Variants in SAMD3 observed in about 807,000 individuals in gnomAD.
SAMD3 encodes sterile alpha motif domain containing 3.
Under a neutral mutation model 58.5 loss-of-function variants are expected in SAMD3, and 63 were observed. The ratio of observed to expected loss-of-function variants is 1.08; its 90% CI spans 0.88 to 1.33. The LOEUF (loss-of-function observed/expected upper bound fraction) is 1.33. SAMD3 is among the 40% of genes most tolerant of loss of function. The pLI, the probability that SAMD3 is intolerant of heterozygous loss-of-function variation, is 0.00. For synonymous variants in SAMD3, 220 were observed against 210.3 expected (o/e 1.05, Z -0.40); for missense variants, 604 against 608.4 (o/e 0.99, Z 0.08).
intron 5 of SAMD3, among the ~76,000 whole-genome samples, chr6:130,204,604 GA>G (rs1365058861): frequency 4.1e-5 from 6 of 145,888 alleles, no homozygotes; most frequent in African/African-American, 7.7e-5. Flanking sequence ...CTCAAAAAAA[GA>G]AAAAAAAAAG....
chr6:130,146,083 T>A lies in SAMD3; in HGVS notation c.1122A>T (p.Ser374=), dbSNP rs150446656. The A allele has an allele frequency of 6.2e-7, 1 of 1,602,316 alleles. No homozygotes were observed. Among genetic ancestry groups the A allele is most frequent in the African/African-American group, 1.3e-5 (1 of 74,522 alleles). ...CAATATTGATTGGATTGTCCACCAC[T>A]GAAAAAGAAGTCAGTATATTTTCTG... ...SYSENILTSF[S]VVDNPINIVL... is the part of the protein sequence containing the mutation. The change falls in exon 10 of 12, where the codon TCA becomes TCT. Residue 374 remains serine (S), a synonymous_variant. Transcript: ENST00000439090.
At chr6:130,173,413 T>TTC (rs754667554) in intron 8 of SAMD3, among the ~76,000 whole-genome samples, 41 of 152,264 alleles carry the variant, frequency 2.7e-4, no homozygotes, top group Non-Finnish European at 5.6e-4. Context: ...TTTTGTTTGT[T>TTC]AGTTTTTCTT....
chr6:130,331,819 G>A (rs1370791652), intron 1 of SAMD3, among the ~76,000 whole-genome samples: 2 of 152,210 alleles, frequency 1.3e-5, no homozygotes, highest in African/African-American at 4.8e-5. Context: ...GTATGTTTAT[G>A]TGCTTCTGTG....
At chr6:130,253,348 G>A (rs139794240) in intron 2 of SAMD3, among the ~76,000 whole-genome samples, 1,588 of 152,270 alleles carry the variant, frequency 0.01, 15 homozygotes, top group Non-Finnish European at 0.014. Context: ...TCCTTGTTTA[G>A]TTGGAACCAG....
intron 2 of SAMD3, among the ~76,000 whole-genome samples, chr6:130,249,660 C>T (rs780487630): frequency 6.6e-6 from 1 of 152,130 alleles, no homozygotes; most frequent in Admixed American, 6.5e-5. Context: ...AAGATATTTA[C>T]AGTCTGTACT....
In SAMD3 at chr6:130,362,612, T is replaced by C. The variant is rs193055676; in HGVS notation, c.-304+2508A>G. On this transcript the variant is annotated intron_variant, in intron 1 of 13. Transcript: ENST00000368134. ...GTATGGCTCCTTTCACATTTCTAAATGGTACGCTGCCAGTGCCCCTCAGGC... is the reference window on the plus strand; with the variant it reads ...GTATGGCTCCTTTCACATTTCTAAACGGTACGCTGCCAGTGCCCCTCAGGC... Among the ~76,000 whole-genome samples, 445 of 152,372 alleles carry C rather than the reference T, an allele frequency of 2.9e-3. 4 individuals are homozygous for C. The highest frequency in any genetic ancestry group is 9.0e-3 in the African/African-American group (375 of 41,590).
chr6:130,255,734 TC>T (rs1242986597), intron 2 of SAMD3, among the ~76,000 whole-genome samples: 2 of 151,938 alleles, frequency 1.3e-5, no homozygotes, highest in Non-Finnish European at 2.9e-5. Context: ...ACTCAAGCGA[TC>T]CCCCCACCTC....
Position 130,156,765 on chromosome 6 carries a change from G to T in SAMD3, c.823-1740C>A, listed in dbSNP as rs368502216. 1.7e-4 allele frequency among the ~76,000 whole-genome samples: 26 copies of T among 152,204 alleles called. 1 individual carries two copies. Among genetic ancestry groups the T allele is most frequent in the Admixed American group, 5.2e-4 (8 of 15,282 alleles). ...GGCTGAGGGTTACTTGAGGCCAGGA[G>T]TTTGAGAGAAGCCAGGGCAACATAG... is the stretch of plus-strand genomic sequence containing the variant. On this transcript the variant is annotated intron_variant, in intron 8 of 11. Transcript: ENST00000439090.
At chr6:130,322,901 G>C (rs1458972395) in intron 1 of SAMD3, among the ~76,000 whole-genome samples, 1 of 152,148 alleles carries the variant, frequency 6.6e-6, no homozygotes, top group East Asian at 1.9e-4. Context: ...CTGGTTAACA[G>C]AAAATGGAAT....
intron 1 of SAMD3, among the ~76,000 whole-genome samples, chr6:130,349,537 G>C (rs1041952406): frequency 2.0e-5 from 3 of 152,152 alleles, no homozygotes; most frequent in African/African-American, 7.2e-5. Context: ...TTGAATCTCT[G>C]AATAGACCAA....
At chr6:130,156,652 G>A (rs1789810094) in intron 8 of SAMD3, among the ~76,000 whole-genome samples, 1 of 152,080 alleles carries the variant, frequency 6.6e-6, no homozygotes, top group South Asian at 2.1e-4. Context: ...CAGAAAAGAG[G>A]TAGGTTTTGA....
intron 1 of SAMD3, among the ~76,000 whole-genome samples, chr6:130,332,550 A>G (rs184814170): frequency 6.5e-4 from 99 of 152,300 alleles, no homozygotes; most frequent in Middle Eastern, 6.8e-3. Flanking sequence ...GCACTCAAGT[A>G]TATTGAATAA....
intron 5 of SAMD3, among the ~76,000 whole-genome samples, chr6:130,208,622 G>A (rs1451037068): frequency 1.3e-5 from 2 of 152,150 alleles, no homozygotes; most frequent in Non-Finnish European, 2.9e-5. Flanking sequence ...AGAATCTAAT[G>A]CCTGATGATC....
At chr6:130,207,348 A>C (rs1795175848) in intron 5 of SAMD3, among the ~76,000 whole-genome samples, 1 of 151,978 alleles carries the variant, frequency 6.6e-6, no homozygotes, top group Non-Finnish European at 1.5e-5. Context: ...TCTGCTTGGA[A>C]CTTGGCAAGC....
At chr6:130,227,814 T>G (rs111570496), upstream of SAMD3, among the ~76,000 whole-genome samples, 51 of 143,672 alleles carry the variant, frequency 3.5e-4, no homozygotes, top group African/African-American at 1.2e-3. Flanking sequence ...AAAAGAAAAA[T>G]CAAAGGAATC....
intron 2 of SAMD3, among the ~76,000 whole-genome samples, chr6:130,285,446 T>C (rs887668050): frequency 6.6e-6 from 1 of 152,188 alleles, no homozygotes; most frequent in East Asian, 1.9e-4. Flanking sequence ...AGAGCTCTCA[T>C]GTTGCTTGTC....
intron 1 of SAMD3, among the ~76,000 whole-genome samples, chr6:130,359,226 T>A (rs1777917813): frequency 6.6e-6 from 1 of 152,248 alleles, no homozygotes. Flanking sequence ...TATACAATAC[T>A]AAAATCCACT....
intron 2 of SAMD3, among the ~76,000 whole-genome samples, chr6:130,241,895 A>G (rs2114895594): frequency 6.6e-6 from 1 of 152,166 alleles, no homozygotes; most frequent in Non-Finnish European, 1.5e-5. Flanking sequence ...TGTTTTTCCC[A>G]CCTATTCTAC....
intron 5 of SAMD3, among the ~76,000 whole-genome samples, chr6:130,192,198 G>A (rs1358131148): frequency 6.6e-6 from 1 of 152,170 alleles, no homozygotes; most frequent in Non-Finnish European, 1.5e-5. Flanking sequence ...ATTGTAGAAA[G>A]GTTTAGCAAT....
Sources: allele counts gnomAD v4.1 joint callset (sites outside exome capture counted in the v4.1 genomes callset), GRCh38; gene constraint gnomAD v4.1.1; transcripts MANE v1.5; gene names NCBI Gene and HGNC (gene_info 2026-07-23, HGNC 2026-07-21).